The following ZYX variants were observed in gnomAD, a reference collection of about 807,000 sequenced individuals.
ZYX encodes the protein zyxin.
ZYX carries 37 observed loss-of-function variants against 58.1 expected under a neutral mutation model. That is an observed-to-expected ratio of 0.64 (90% CI 0.49 to 0.84). The LOEUF (loss-of-function observed/expected upper bound fraction) is 0.84, where lower values mean the gene tolerates loss of function less well. ZYX is among the 40% of genes least tolerant of loss of function. The probability of loss-of-function intolerance (pLI) is 0.00; values close to 1 mark genes in which losing one functional copy is unlikely to be tolerated. For missense variants in ZYX, 762 were observed against 761.6 expected, an observed-to-expected ratio of 1.00 and a Z score of -0.01; for synonymous variants, 324 against 321.1, an observed-to-expected ratio of 1.01 and a Z score of -0.10.
rs1446895043 is a variant in ZYX, at chr7:143,383,314, C to A, written c.1015C>A (p.Gln339Lys). 8 of 1,601,738 alleles carry A rather than the reference C, an allele frequency of 5.0e-6. No individual in the cohort carries two copies. Among genetic ancestry groups the A allele is most frequent in the South Asian group, 2.2e-5 (2 of 89,442 alleles). ...QHPVPPPAQN[Q>K]NQVRSPGAPG... ...CCCCGTGCCCCCACCGGCTCAGAAC[C>A]AAAACCAGGTGAGGGATGGTGATAG... The change falls in exon 5 of 10, where the codon CAA (glutamine) becomes AAA (lysine). Residue 339 changes from glutamine (Q) to lysine (K), a missense_variant. By Grantham distance (53) the Gln-to-Lys change is moderately conservative (BLOSUM62 1). Transcript: ENST00000322764.
In ZYX at chr7:143,388,192, AGT is replaced by A. The variant is rs1260760775; in HGVS notation, c.1024-23_1024-22del. The stretch of plus-strand genomic sequence containing the variant: ...GTTCTTGGAGGCAGCAGCCCTCTAG[AGT>A]GTGAGGAAAATGTTGGGATTGCAGG... On this transcript the variant is annotated intron_variant, in intron 5 of 9. Coordinates refer to ENST00000322764, the MANE Select transcript of ZYX (RefSeq NM_003461.5). This position sits in a 1 kb window ranked among gnomAD's most constrained non-coding sequence, Gnocchi z 7.5. 2.5e-6 allele frequency: 4 copies of A among 1,575,680 alleles called. No individual in the cohort carries two copies. Among genetic ancestry groups the A allele is most frequent in the African/African-American group, 2.7e-5 (2 of 74,174 alleles).
At chr7:143,381,916 T>A in intron 2 of ZYX, 137 bp downstream of exon 2, 1 of 889,242 alleles carries the variant, frequency 1.1e-6, no homozygotes, top group Non-Finnish European at 1.7e-6. Flanking sequence ...CAGATGTTCT[T>A]ACCTCATCGT....
Position 143,383,310 on chromosome 7 carries a change from G to C in ZYX, c.1011G>C (p.Gln337His), listed in dbSNP as rs2116565854. Residue 337 changes from glutamine to histidine, a missense_variant, in exon 5 of 10, where the codon CAG (glutamine) becomes CAC (histidine). Physicochemically the swap from Gln to His is conservative, Grantham distance 24. Coordinates refer to ENST00000322764, the MANE Select transcript of ZYX (RefSeq NM_003461.5). Reference sequence around the variant, plus strand: ...AGCACCCCGTGCCCCCACCGGCTCAGAACCAAAACCAGGTGAGGGATGGTG... The same window carrying C: ...AGCACCCCGTGCCCCCACCGGCTCACAACCAAAACCAGGTGAGGGATGGTG... ...EKQHPVPPPAQNQNQVRSPGA... is the reference protein window; with the variant it reads ...EKQHPVPPPAHNQNQVRSPGA... 1 of 1,604,178 alleles carries C rather than the reference G, an allele frequency of 6.2e-7. No homozygotes were observed. Among genetic ancestry groups the C allele is most frequent in the African/African-American group, 1.3e-5 (1 of 74,710 alleles).
chr7:143,383,396 G>A lies in ZYX; in HGVS notation c.1023+74G>A, dbSNP rs992013071. ...GGCTGGGTCAGGAGCCAGAGCATAA[G>A]CATAAGGTGATTGGAGAGTCAGGGT... On this transcript the variant is annotated intron_variant, in intron 5 of 9. Transcript: ENST00000322764. 1.1e-5 allele frequency: 16 copies of A among 1,494,930 alleles called. No homozygotes were observed. In the African/African-American group the frequency reaches 2.2e-4, roughly 21 times the overall value. 92.6% of individuals were successfully genotyped at this position (1,494,930 alleles called of 1,614,324 possible).
chr7:143,383,029 C>T lies in ZYX; in HGVS notation c.730C>T (p.Pro244Ser), dbSNP rs781144141. ...VQLHVQSQTQPVSLANTQPRG... is the reference protein window; with the variant it reads ...VQLHVQSQTQSVSLANTQPRG... ...ACTCCATGTCCAGTCCCAGACCCAG[C>T]CTGTGTCTTTGGCTAACACCCAGCC... is the stretch of plus-strand genomic sequence containing the variant. Residue 244 changes from proline (P) to serine (S), a missense_variant, in exon 5 of 10, where the codon CCT becomes TCT. Transcript: ENST00000322764. 9 of 1,613,944 alleles carry T rather than the reference C, an allele frequency of 5.6e-6. No homozygotes were observed. Among genetic ancestry groups the T allele is most frequent in the Admixed American group, 1.7e-5 (1 of 60,004 alleles).
chr7:143,386,579 G>A (rs1278251594), intron 5 of ZYX, among the ~76,000 whole-genome samples: 1 of 152,134 alleles, frequency 6.6e-6, no homozygotes, highest in African/African-American at 2.4e-5. Flanking sequence ...GGGTGGTGGT[G>A]TGACTTGGGG....
At position 143,382,793 on chromosome 7, in the gene ZYX, C is replaced by A. The variant is rs367928790; in HGVS notation, c.502-8C>A. ...CTGCATCTCTCTTCCCTCTCCCACC[C>A]CTTGCAGGTGTCATCTGGATATGTG... On this transcript the variant is annotated splice_polypyrimidine_tract_variant and splice_region_variant and intron_variant, in intron 4 of 9. Transcript: ENST00000322764. 112 of 1,607,060 alleles carry A rather than the reference C, an allele frequency of 7.0e-5. No homozygotes were observed. In the African/African-American group the frequency reaches 1.4e-3, roughly 20 times the overall value.
Position 143,389,968 on chromosome 7 carries a change from C to G in ZYX, c.1605C>G (p.Tyr535Ter), listed in dbSNP as rs1444634829. The G allele has an allele frequency of 5.6e-6, 9 of 1,614,058 alleles. No individual in the cohort carries two copies. The highest frequency in any genetic ancestry group is 7.6e-6 in the Non-Finnish European group (9 of 1,179,958). The change falls in exon 9 of 10, where the codon TAC (tyrosine) becomes TAG (stop). Residue 535 changes from tyrosine (Y) to a stop codon, truncating the protein, a stop_gained. Coordinates refer to ENST00000322764, the MANE Select transcript of ZYX (RefSeq NM_003461.5). LOFTEE classifies it high-confidence loss of function. This position sits in a 1 kb window ranked among gnomAD's most constrained non-coding sequence, Gnocchi z 5.6. ...ALDKNFHMKCYKCEDCGKPLS... is the reference protein window; with the variant it reads ...ALDKNFHMKC ...ACAAGAACTTCCACATGAAGTGTTA[C>G]AAGTGTGAGGTCAGCCATCCCTCTG...
At position 143,388,385 on chromosome 7, in the gene ZYX, G is replaced by A. The variant is rs1287152510; in HGVS notation, c.1144+46G>A. 26 of 1,610,810 alleles carry A rather than the reference G, an allele frequency of 1.6e-5. No homozygotes were observed. In the Admixed American group the frequency reaches 1.7e-4, roughly 10 times the overall value. ...CACCCCCACCCTGCCCCCACATCACGGTGGGGGCCAGGGCTGTGGCTCCAC... is the reference window on the plus strand; with the variant it reads ...CACCCCCACCCTGCCCCCACATCACAGTGGGGGCCAGGGCTGTGGCTCCAC... On this transcript the variant is annotated intron_variant, in intron 6 of 9. Coordinates refer to ENST00000322764, the MANE Select transcript of ZYX (RefSeq NM_003461.5). This position sits in a 1 kb window ranked among gnomAD's most constrained non-coding sequence, Gnocchi z 7.5.
chr7:143,382,255 C>T lies in ZYX; in HGVS notation c.216C>T (p.Pro72=), dbSNP rs771949695. 1.2e-6 allele frequency: 2 copies of T among 1,612,350 alleles called. No individual in the cohort carries two copies. The highest frequency in any genetic ancestry group is 1.3e-5 in the African/African-American group (1 of 74,888). Reference sequence around the variant, plus strand: ...TTCTCCTTCCTACCCCAGACTTTCCCCTGCCTCCACCTCCCCTTGCTGGGG... The same window carrying T: ...TTCTCCTTCCTACCCCAGACTTTCCTCTGCCTCCACCTCCCCTTGCTGGGG... ...EIPPPPPEDF[P]LPPPPLAGDG... The change falls in exon 3 of 10, where the codon CCC becomes CCT. Residue 72 remains proline, a synonymous_variant. Coordinates refer to ENST00000322764, the MANE Select transcript of ZYX (RefSeq NM_003461.5).
chr7:143,381,747 G>A lies in ZYX; in HGVS notation c.176G>A (p.Arg59Gln), dbSNP rs781431784. 8.2e-6 allele frequency: 13 copies of A among 1,588,150 alleles called. No individual in the cohort carries two copies. The highest frequency in any genetic ancestry group is 1.4e-5 in the African/African-American group (1 of 73,718). Residue 59 changes from arginine (R) to glutamine (Q), a missense_variant, in exon 2 of 10, where the codon CGG becomes CAG. Coordinates refer to ENST00000322764, the MANE Select transcript of ZYX (RefSeq NM_003461.5). ...APGAQRAQMG[R>Q]VGEIPPPPPE... is the part of the protein sequence containing the mutation. ...GGGGCCCAGCGCGCACAGATGGGCC[G>A]GGTGGGCGAGATTCCCCCGCCGCCC...
rs2060520061 is a variant in ZYX at position 143,387,380 on chromosome 7, C to G, written c.1024-839C>G. Among the ~76,000 whole-genome samples, 1 of 152,088 alleles carries G rather than the reference C, an allele frequency of 6.6e-6. No homozygotes were observed. Among genetic ancestry groups the G allele is most frequent in the Non-Finnish European group, 1.5e-5 (1 of 68,000 alleles). Reference sequence around the variant, plus strand: ...GCACACTCAGTGATGGGGCCACAGTCCTGGGTAGGCTTTTCCAGACATAGA... The same window carrying G: ...GCACACTCAGTGATGGGGCCACAGTGCTGGGTAGGCTTTTCCAGACATAGA... On this transcript the variant is annotated intron_variant, in intron 5 of 9. Transcript: ENST00000322764. The surrounding 1 kb of genome is among the most constrained non-coding windows in gnomAD (Gnocchi z 5.8).
Position 143,381,670 on chromosome 7 carries a change from G to T in ZYX, c.99G>T (p.Lys33Asn), listed in dbSNP as rs774213838. Residue 33 changes from lysine (K) to asparagine (N), a missense_variant, in exon 2 of 10, where the codon AAG becomes AAT. Lys to Asn is a moderately conservative substitution (Grantham distance 94). Coordinates refer to ENST00000322764, the MANE Select transcript of ZYX (RefSeq NM_003461.5). ...QKKFGPVVAP[K>N]PKVNPFRPGD... ...AGTTCGGCCCTGTGGTGGCCCCAAA[G>T]CCCAAAGTGAATCCCTTCCGGCCCG... 24 of 1,611,608 alleles carry T rather than the reference G, an allele frequency of 1.5e-5. No homozygotes were observed. In the South Asian group the frequency reaches 2.6e-4, roughly 18 times the overall value.
At chr7:143,383,624 A>T (rs1214706039) in intron 5 of ZYX, among the ~76,000 whole-genome samples, 2 of 152,176 alleles carry the variant, frequency 1.3e-5, no homozygotes, top group Non-Finnish European at 2.9e-5. Context: ...TTACCCCAGA[A>T]AGTTAAAGGG....
At chr7:143,381,519 C>T in intron 1 of ZYX, 38 bp from the exon 2 acceptor site, 1 of 1,568,618 alleles carries the variant, frequency 6.4e-7, no homozygotes, top group African/African-American at 1.4e-5. Flanking sequence ...GGCTCCTGAG[C>T]CCGGCTCCGC....
In ZYX at chr7:143,381,769, G is replaced by T; in HGVS notation, c.198G>T (p.Pro66=). 6.4e-7 allele frequency: 1 copy of T among 1,574,782 alleles called. No individual in the cohort carries two copies. The highest frequency in any genetic ancestry group is 8.6e-7 in the Non-Finnish European group (1 of 1,160,580). Residue 66 remains proline, a synonymous_variant, in exon 2 of 10, where the codon CCG becomes CCT. Transcript: ENST00000322764. ...QMGRVGEIPP[P]PPEDFPLPPP... Reference sequence around the variant, plus strand: ...GCCGGGTGGGCGAGATTCCCCCGCCGCCCCCGGAAGGTATGCGGCGGGGCT... The same window carrying T: ...GCCGGGTGGGCGAGATTCCCCCGCCTCCCCCGGAAGGTATGCGGCGGGGCT...
At position 143,381,798 on chromosome 7, in the gene ZYX, G is replaced by A; in HGVS notation, c.208+19G>A. The A allele has an allele frequency of 6.5e-7, 1 of 1,529,292 alleles. No individual in the cohort carries two copies. The highest frequency in any genetic ancestry group is 8.8e-7 in the Non-Finnish European group (1 of 1,138,250). The allele number at this position is 1,529,292 out of a possible 1,614,324, so 94.7% of individuals were successfully genotyped here. On this transcript the variant is annotated intron_variant, in intron 2 of 9. Coordinates refer to ENST00000322764, the MANE Select transcript of ZYX (RefSeq NM_003461.5). ...CCGGAAGGTATGCGGCGGGGCTTGG[G>A]GAATGTACCCCGGCAGGAGCCGGGG...
At position 143,383,130 on chromosome 7, in the gene ZYX, T is replaced by G. The variant is rs769337784; in HGVS notation, c.831T>G (p.Ala277=). ...SPVTPKFTPV[A]SKFSPGAPGG... ...TGACTCCTAAGTTTACTCCTGTGGC[T>G]TCCAAGTTCAGTCCTGGAGCCCCAG... Residue 277 remains alanine, a synonymous_variant, in exon 5 of 10, where the codon GCT becomes GCG. Transcript: ENST00000322764. 6.8e-6 allele frequency: 11 copies of G among 1,614,096 alleles called. No homozygotes were observed. The highest frequency in any genetic ancestry group is 1.3e-5 in the African/African-American group (1 of 74,926).
rs201468462 is a variant in ZYX, at chr7:143,388,744, A to G, written c.1315-23A>G. The G allele has an allele frequency of 8.8e-4, 1,419 of 1,610,336 alleles. No homozygotes were observed. Among genetic ancestry groups the G allele is most frequent in the Non-Finnish European group, 1.1e-3 (1,271 of 1,177,754 alleles). On this transcript the variant is annotated intron_variant, in intron 7 of 9. Coordinates refer to ENST00000322764, the MANE Select transcript of ZYX (RefSeq NM_003461.5). The surrounding 1 kb of genome is among the most constrained non-coding windows in gnomAD (Gnocchi z 7.5). The stretch of plus-strand genomic sequence containing the variant: ...GCTGTGGGGTGCCGGTTCCCTGCCA[A>G]CCTCCTCCTGCTGCCTCCTCAGGAC...
Sources: gnomAD v4.1 joint callset for allele counts (sites outside exome capture counted in the v4.1 genomes callset) on GRCh38, gnomAD v4.1.1 for gene constraint, Gnocchi (gnomAD v3.1) non-coding constraint, MANE v1.5 for transcripts, NCBI Gene and HGNC (gene_info 2026-07-23, HGNC 2026-07-21) for gene names.